The following SOX6 variants were observed in gnomAD, a reference collection of about 807,000 sequenced individuals.
SOX6 encodes the protein SRY-box transcription factor 6.
A neutral mutation model predicts 97.8 loss-of-function variants in SOX6; 11 were observed. The ratio of observed to expected loss-of-function variants is 0.11; its 90% confidence interval spans 0.07 to 0.19. SOX6 has a LOEUF of 0.19. Ranked by LOEUF, SOX6 falls within the 10% of genes least tolerant of loss-of-function variation. The pLI is 1.00. For missense variants in SOX6, 810 were observed against 1,039.5 expected, an observed-to-expected ratio of 0.78 and a Z score of 3.04; for synonymous variants, 360 against 371.4, an observed-to-expected ratio of 0.97 and a Z score of 0.35.
At chr11:16,053,291 CT>C (rs1459662039) in intron 10 of SOX6, among the ~76,000 whole-genome samples, 1 of 152,096 alleles carries the variant, frequency 6.6e-6, no homozygotes, top group Non-Finnish European at 1.5e-5. Flanking sequence ...CAATTTTGTC[CT>C]GAGTTTTAGT....
At chr11:16,147,199 T>C (rs1290581888) in intron 6 of SOX6, among the ~76,000 whole-genome samples, 2 of 152,296 alleles carry the variant, frequency 1.3e-5, no homozygotes, top group Non-Finnish European at 2.9e-5. Context: ...TCATGTCCTT[T>C]GAGGGACATG....
intron 4 of SOX6, among the ~76,000 whole-genome samples, chr11:16,187,430 T>G (rs918658840): frequency 1.3e-5 from 2 of 152,160 alleles, no homozygotes; most frequent in Non-Finnish European, 2.9e-5. Context: ...AAATTTTCTA[T>G]TGTACAAAGA....
At chr11:16,604,465 C>T (rs190166562) in intron 4 of SOX6, among the ~76,000 whole-genome samples, 17 of 152,288 alleles carry the variant, frequency 1.1e-4, no homozygotes, top group African/African-American at 3.4e-4. Context: ...CATCTCTACT[C>T]CCCCGGGTTG....
intron 3 of SOX6, among the ~76,000 whole-genome samples, chr11:16,707,085 C>T (rs757857413): frequency 1.3e-5 from 2 of 151,952 alleles, no homozygotes; most frequent in Non-Finnish European, 2.9e-5. Flanking sequence ...AGTTATAACC[C>T]AGTTCTTTAC....
At chr11:16,471,720 T>C (rs556087910) in intron 1 of SOX6, among the ~76,000 whole-genome samples, 2 of 152,302 alleles carry the variant, frequency 1.3e-5, no homozygotes, top group Admixed American at 6.5e-5. Flanking sequence ...GGATGCCATG[T>C]TAATTTCATC....
intron 9 of SOX6, among the ~76,000 whole-genome samples, chr11:16,064,016 T>C (rs1848030103): frequency 6.6e-6 from 1 of 151,646 alleles, no homozygotes; most frequent in African/African-American, 2.4e-5. Flanking sequence ...AATTGTATTT[T>C]CAAATGTCTT....
chr11:16,014,861 T>C, intron 13 of SOX6, 81 bp downstream of exon 13: 1 of 1,339,180 alleles, frequency 7.5e-7, no homozygotes, highest in Non-Finnish European at 1.1e-6. Flanking sequence ...TATGAAAAAC[T>C]ATAAAGATCC....
intron 4 of SOX6, among the ~76,000 whole-genome samples, chr11:16,521,760 G>T (rs1199519330): frequency 2.6e-5 from 4 of 152,080 alleles, no homozygotes; most frequent in Non-Finnish European, 4.4e-5. Context: ...ATAACTAGAA[G>T]AACCAATACA....
chr11:16,624,316 T>A (rs1848592732), intron 3 of SOX6, among the ~76,000 whole-genome samples: 1 of 152,012 alleles, frequency 6.6e-6, no homozygotes, highest in Non-Finnish European at 1.5e-5. Context: ...GCCTCCCAAG[T>A]AGCTGGGACT....
chr11:16,664,159 A>C (rs1847787307), intron 3 of SOX6, among the ~76,000 whole-genome samples: 2 of 152,242 alleles, frequency 1.3e-5, no homozygotes, highest in African/African-American at 4.8e-5. Flanking sequence ...TCCACTCTTC[A>C]TCCTCCCCAC....
chr11:16,633,287 CTT>C (rs1194276346), intron 3 of SOX6, among the ~76,000 whole-genome samples: 7 of 152,294 alleles, frequency 4.6e-5, no homozygotes, highest in Admixed American at 2.6e-4. Flanking sequence ...CTGGAACTAA[CTT>C]ATTCATTTTA....
At chr11:16,144,309 C>G (rs1047462468) in intron 6 of SOX6, among the ~76,000 whole-genome samples, 2 of 152,080 alleles carry the variant, frequency 1.3e-5, no homozygotes, top group Non-Finnish European at 2.9e-5. Context: ...CCAATGAGAA[C>G]AAAGACACAA....
intron 3 of SOX6, among the ~76,000 whole-genome samples, chr11:16,255,641 C>T (rs188145617): frequency 1.6e-3 from 241 of 151,872 alleles, no homozygotes; most frequent in African/African-American, 4.8e-3. Flanking sequence ...AATCTAAAAG[C>T]GATAAGCTGA....
intron 3 of SOX6, among the ~76,000 whole-genome samples, chr11:16,663,244 G>A (rs1847779764): frequency 6.6e-6 from 1 of 151,960 alleles, no homozygotes; most frequent in South Asian, 2.1e-4. Flanking sequence ...TTACAATATG[G>A]CAAGAATAGA....
chr11:16,227,735 A>G (rs569870008), intron 4 of SOX6, among the ~76,000 whole-genome samples: 259 of 152,308 alleles, frequency 1.7e-3, no homozygotes, highest in Non-Finnish European at 3.1e-3. Context: ...CCCCTAAAAC[A>G]GCAGAAAACA....
chr11:16,176,472 T>C (rs538492878), intron 6 of SOX6, among the ~76,000 whole-genome samples: 10 of 151,980 alleles, frequency 6.6e-5, no homozygotes, highest in African/African-American at 2.4e-4. Context: ...CTCAGTATAG[T>C]GACACATCAC....
chr11:16,446,309 C>A (rs992553269), intron 1 of SOX6, among the ~76,000 whole-genome samples: 2 of 151,670 alleles, frequency 1.3e-5, no homozygotes, highest in Admixed American at 1.3e-4. Context: ...GTAGGAGAGA[C>A]AAAGATAGAA....
intron 4 of SOX6, among the ~76,000 whole-genome samples, chr11:16,571,711 G>A (rs912420627): frequency 1.3e-5 from 2 of 152,216 alleles, no homozygotes; most frequent in East Asian, 1.9e-4. Flanking sequence ...GAGTGCAGTA[G>A]TGCGATCTCG....
intron 4 of SOX6, among the ~76,000 whole-genome samples, chr11:16,499,525 GT>G (rs1860665392): frequency 6.6e-6 from 1 of 152,076 alleles, no homozygotes; most frequent in Admixed American, 6.6e-5. Context: ...CCAGGAGCTG[GT>G]TTTTTGAAAA....
Sources: gnomAD v4.1 joint callset for allele counts (sites outside exome capture counted in the v4.1 genomes callset) on GRCh38, gnomAD v4.1.1 for gene constraint, MANE v1.5 for transcripts, NCBI Gene and HGNC (gene_info 2026-07-23, HGNC 2026-07-21) for gene names.